Variants in SNTG1 observed in about 807,000 individuals in gnomAD.
SNTG1 encodes the protein syntrophin gamma 1, also known as gamma-1-syntrophin.
A neutral mutation model predicts 74.7 loss-of-function variants in SNTG1; 39 were observed. The observed-to-expected ratio is 0.52, with a 90% CI of 0.40 to 0.68. The LOEUF (loss-of-function observed/expected upper bound fraction) is 0.68. Among genes scored for constraint, SNTG1 ranks in the 30% least tolerant of loss-of-function variants. The pLI is 0.00. For synonymous variants in SNTG1, 254 were observed against 217.1 expected (o/e 1.17, Z -1.49); for missense variants, 685 against 609.5 (o/e 1.12, Z -1.30).
At chr8:50,754,566 G>A (rs1321309556) in intron 18 of SNTG1, among the ~76,000 whole-genome samples, 2 of 151,546 alleles carry the variant, frequency 1.3e-5, no homozygotes, top group African/African-American at 4.8e-5. Context: ...TAATTTTTTG[G>A]TGCCTTGTCT....
intron 2 of SNTG1, among the ~76,000 whole-genome samples, chr8:50,352,160 C>T (rs1489372861): frequency 6.6e-6 from 1 of 152,106 alleles, no homozygotes; most frequent in Non-Finnish European, 1.5e-5. Flanking sequence ...ATTGTGAATC[C>T]TATACCCAGA....
intron 13 of SNTG1, among the ~76,000 whole-genome samples, chr8:50,647,914 G>C (rs1186775670): frequency 1.3e-5 from 2 of 151,618 alleles, no homozygotes; most frequent in African/African-American, 2.4e-5. Flanking sequence ...GAAATTAAGA[G>C]ATACACTGTT....
At chr8:50,145,847 G>A (rs1246561058) in intron 1 of SNTG1, among the ~76,000 whole-genome samples, 1 of 151,314 alleles carries the variant, frequency 6.6e-6, no homozygotes, top group Non-Finnish European at 1.5e-5. Flanking sequence ...AGATATCTAT[G>A]AATAATAAAA....
chr8:50,389,255 G>A (rs1227704903), intron 2 of SNTG1, among the ~76,000 whole-genome samples: 1 of 152,184 alleles, frequency 6.6e-6, no homozygotes, highest in Non-Finnish European at 1.5e-5. Context: ...GTTTCCCACA[G>A]GCCTGTGGGT....
At position 50,554,963 on chromosome 8, in the gene SNTG1, T is replaced by G. The variant is rs532909262; in HGVS notation, c.810+1784T>G. ...CCAAATTTGCATTGACCTAAAATCC[T>G]AGGAATATTGTCATGCCATATTTCT... On this transcript the variant is annotated intron_variant, in intron 12 of 18. Transcript: ENST00000642720. Among the ~76,000 whole-genome samples the G allele has an allele frequency of 8.2e-3, 1,253 of 152,276 alleles. 18 individuals are homozygous for G. The highest frequency in any genetic ancestry group is 0.028 in the African/African-American group (1,183 of 41,546).
intron 1 of SNTG1, among the ~76,000 whole-genome samples, chr8:49,994,721 C>A (rs1814042063): frequency 6.6e-6 from 1 of 151,038 alleles, no homozygotes. Context: ...TTTCTCTGAA[C>A]CTAAGAAACA....
At chr8:50,171,662 T>C (rs981050600) in intron 1 of SNTG1, among the ~76,000 whole-genome samples, 4 of 152,188 alleles carry the variant, frequency 2.6e-5, no homozygotes, top group African/African-American at 4.8e-5. Flanking sequence ...GAATTATTCC[T>C]AGCACATCTC....
intron 9 of SNTG1, among the ~76,000 whole-genome samples, chr8:50,510,189 T>C (rs780968519): frequency 9.2e-5 from 14 of 152,208 alleles, no homozygotes; most frequent in Non-Finnish European, 1.8e-4. Flanking sequence ...GTTTTTGTTG[T>C]TGGTTCTGTT....
intron 2 of SNTG1, among the ~76,000 whole-genome samples, chr8:50,381,736 T>TTA (rs1159800830): frequency 1.2e-4 from 16 of 128,590 alleles, no homozygotes; most frequent in Admixed American, 1.7e-4. Context: ...ATCCTATTAG[T>TTA]TATATATATA....
rs528799933 is a variant in SNTG1 at position 50,077,055 on chromosome 8, G to A, written c.-102-95506G>A. ...TAGGTGACTGTCTTTTCTGCCTCTG[G>A]CTTAACGTTCTATATTTACTCCTGG... On this transcript the variant is annotated intron_variant, in intron 1 of 18. Coordinates refer to ENST00000642720, the MANE Select transcript of SNTG1 (RefSeq NM_018967.5). 8.5e-5 allele frequency among the ~76,000 whole-genome samples: 13 copies of A among 152,194 alleles called. No individual in the cohort carries two copies. The South Asian group carries it at 2.5e-3, about 29-fold the overall frequency.
At chr8:50,161,739 A>G (rs906969355) in intron 1 of SNTG1, among the ~76,000 whole-genome samples, 2 of 152,152 alleles carry the variant, frequency 1.3e-5, no homozygotes, top group African/African-American at 4.8e-5. Flanking sequence ...CCCACAAAAA[A>G]GGTATGGAAG....
At chr8:50,013,478 G>C (rs922447204) in intron 1 of SNTG1, among the ~76,000 whole-genome samples, 51 of 150,904 alleles carry the variant, frequency 3.4e-4, no homozygotes, top group African/African-American at 1.1e-3. Context: ...TAGATAGATA[G>C]ATAGATAGAT....
chr8:50,541,440 C>T (rs894630155), intron 11 of SNTG1, among the ~76,000 whole-genome samples: 1 of 152,084 alleles, frequency 6.6e-6, no homozygotes, highest in Admixed American at 6.6e-5. Flanking sequence ...CATTTCTAAT[C>T]TCTGACAACT....
In SNTG1 at chr8:50,536,694, C is replaced by T. The variant is rs746823892; in HGVS notation, c.566C>T (p.Ser189Leu). The change falls in exon 11 of 19, where the codon TCG becomes TTG. Residue 189 changes from serine (S) to leucine (L), a missense_variant. Physicochemically the swap from Ser to Leu is moderately radical, Grantham distance 145. Coordinates refer to ENST00000642720, the MANE Select transcript of SNTG1 (RefSeq NM_018967.5). Reference sequence around the variant, plus strand: ...TCCTTTCAGGACACATTATCATGCTCGTCGTGGCCGACGTCTCCAGGCTTG... The same window carrying T: ...TCCTTTCAGGACACATTATCATGCTTGTCGTGGCCGACGTCTCCAGGCTTG... Reference protein sequence around the residue: ...HPNNTDTLSCSSWPTSPGLRW... With the variant: ...HPNNTDTLSCLSWPTSPGLRW... The T allele has an allele frequency of 5.0e-6, 8 of 1,613,838 alleles. No individual in the cohort carries two copies. Among genetic ancestry groups the T allele is most frequent in the South Asian group, 1.1e-5 (1 of 91,046 alleles).
chr8:50,373,838 C>T (rs1417450160), intron 2 of SNTG1, among the ~76,000 whole-genome samples: 8 of 152,244 alleles, frequency 5.3e-5, no homozygotes, highest in East Asian at 1.9e-4. Flanking sequence ...CACACCTGTT[C>T]GCATGCCTTA....
chr8:49,981,922 T>G (rs1272908618), intron 1 of SNTG1, among the ~76,000 whole-genome samples: 1 of 152,176 alleles, frequency 6.6e-6, no homozygotes, highest in Non-Finnish European at 1.5e-5. Context: ...TAGAATATCT[T>G]AATTTTATTT....
intron 18 of SNTG1, among the ~76,000 whole-genome samples, chr8:50,782,824 T>A (rs903280574): frequency 1.3e-5 from 2 of 152,168 alleles, no homozygotes; most frequent in South Asian, 4.1e-4. Context: ...TTTTTCCCCA[T>A]CTTTGTGGTT....
intron 18 of SNTG1, among the ~76,000 whole-genome samples, chr8:50,755,115 C>T (rs569693550): frequency 6.6e-6 from 1 of 151,776 alleles, no homozygotes. Flanking sequence ...CACATCATTA[C>T]CATCCAGAGT....
At chr8:50,649,159 T>G (rs2095128756) in intron 13 of SNTG1, among the ~76,000 whole-genome samples, 1 of 152,186 alleles carries the variant, frequency 6.6e-6, no homozygotes, top group Admixed American at 6.5e-5. Flanking sequence ...CATCGGCACA[T>G]AGTTGGGACT....
Sources: allele counts gnomAD v4.1 joint callset (sites outside exome capture counted in the v4.1 genomes callset), GRCh38; gene constraint gnomAD v4.1.1; transcripts MANE v1.5; gene names NCBI Gene and HGNC (gene_info 2026-07-23, HGNC 2026-07-21).